The following NUP214 variants were observed in gnomAD, a reference collection of about 807,000 sequenced individuals.
NUP214 encodes nuclear pore complex protein Nup214.
A neutral mutation model predicts 196.2 loss-of-function variants in NUP214; 79 were observed. The ratio of observed to expected loss-of-function variants is 0.40; its 90% CI spans 0.34 to 0.49. The LOEUF (loss-of-function observed/expected upper bound fraction) is 0.49, where lower values mean the gene tolerates loss of function less well. Among genes scored for constraint, NUP214 ranks in the 20% least tolerant of loss-of-function variants. The probability of loss-of-function intolerance (pLI) is 0.58; values close to 1 mark genes in which losing one functional copy is unlikely to be tolerated. For synonymous variants in NUP214, 1,020 were observed against 990.5 expected (o/e 1.03, Z -0.56); for missense variants, 2,468 against 2,539.0 (o/e 0.97, Z 0.60).
chr9:131,129,267 T>C lies in NUP214; in HGVS notation c.394-12T>C. On this transcript the variant is annotated splice_polypyrimidine_tract_variant and intron_variant, in intron 3 of 35. Coordinates refer to ENST00000359428, the MANE Select transcript of NUP214 (RefSeq NM_005085.4). ...GTTAACTTATTTCACTTTTGCATAT[T>C]TGTTTTAAAAGGCTAAACAGCAAAA... 6.2e-7 allele frequency: 1 copy of C among 1,610,582 alleles called. No individual in the cohort carries two copies. The highest frequency in any genetic ancestry group is 8.5e-7 in the Non-Finnish European group (1 of 1,177,396).
Position 131,139,379 on chromosome 9 carries a change from CTA to C in NUP214, c.1107_1108del (p.Thr370LysfsTer9). 6.3e-7 allele frequency: 1 copy of C among 1,594,572 alleles called. No individual in the cohort carries two copies. The highest frequency in any genetic ancestry group is 8.5e-7 in the Non-Finnish European group (1 of 1,170,020). On this transcript the variant is annotated frameshift_variant, in exon 10 of 36. Coordinates refer to ENST00000359428, the MANE Select transcript of NUP214 (RefSeq NM_005085.4). LOFTEE classifies it high-confidence loss of function. ...CCTTGCCCATGGGAGTTGTCGTAGA[CTA>C]TACAAACCAAGTGGAAATCACCATC... is the stretch of plus-strand genomic sequence containing the variant. Reference protein sequence around the residue: ...DSLPMGVVVDYTNQVEITISD... With the variant: ...DSLPMGVVVDXTNQVEITISD...
At chr9:131,208,220 G>A (rs1383217786) in intron 30 of NUP214, among the ~76,000 whole-genome samples, 1 of 152,240 alleles carries the variant, frequency 6.6e-6, no homozygotes, top group South Asian at 2.1e-4. Context: ...ATTCTGCTCT[G>A]GGGTAGAATA....
In NUP214 at chr9:131,127,567, C is replaced by T. The variant is rs1470693913; in HGVS notation, c.89C>T (p.Ser30Phe). The change falls in exon 2 of 36, where the codon TCC becomes TTC. Residue 30 changes from serine to phenylalanine, a missense_variant. Ser to Phe is a radical substitution (Grantham distance 155). Transcript: ENST00000359428. ...RALKKVRIFD[S>F]PEELPKERSS... ...CTAAAGAAGGTGAGAATCTTTGACT[C>T]CCCTGAGGAATTGCCCAAGGAACGC... is the stretch of plus-strand genomic sequence containing the variant. 1.2e-6 allele frequency: 2 copies of T among 1,613,902 alleles called. No homozygotes were observed. Among genetic ancestry groups the T allele is most frequent in the Non-Finnish European group, 1.7e-6 (2 of 1,179,962 alleles).
intron 30 of NUP214, among the ~76,000 whole-genome samples, chr9:131,210,588 C>G (rs1834212684): frequency 6.6e-6 from 1 of 151,628 alleles, no homozygotes; most frequent in Non-Finnish European, 1.5e-5. Context: ...GATCACACCA[C>G]TGCACTCCAG....
At chr9:131,191,047 C>T (rs1473290659) in intron 26 of NUP214, 1 of 151,870 alleles carries the variant, frequency 6.6e-6, no homozygotes, top group African/African-American at 2.4e-5. Context: ...AATATTTGTA[C>T]TGCCATCTAC....
Position 131,228,277 on chromosome 9 carries a change from C to A in NUP214, c.6020C>A (p.Thr2007Lys). The change falls in exon 33 of 36, where the codon ACG becomes AAG. Residue 2007 changes from threonine (T) to lysine (K), a missense_variant. Thr to Lys is a moderately conservative substitution (Grantham distance 78, BLOSUM62 -1). Transcript: ENST00000359428. ...APAFTSPLGSTGGKVFGEGTA... is the reference protein window; with the variant it reads ...APAFTSPLGSKGGKVFGEGTA... ...GCCTTTACAAGCCCTCTGGGCTCGA[C>A]GGGAGGCAAAGTGTTCGGAGAGGGC... 1 of 1,605,008 alleles carries A rather than the reference C, an allele frequency of 6.2e-7. No individual in the cohort carries two copies. The highest frequency in any genetic ancestry group is 8.5e-7 in the Non-Finnish European group (1 of 1,176,844).
At position 131,125,690 on chromosome 9, in the gene NUP214, A is replaced by G. The variant is rs1360641404; in HGVS notation, c.-15A>G. The G allele has an allele frequency of 1.9e-6, 3 of 1,550,314 alleles. No homozygotes were observed. The African/African-American group carries it at 4.1e-5, about 21-fold the overall frequency. On this transcript the variant is annotated 5_prime_UTR_variant, in exon 1 of 36. Coordinates refer to ENST00000359428, the MANE Select transcript of NUP214 (RefSeq NM_005085.4). This position sits in a 1 kb window ranked among gnomAD's most constrained non-coding sequence, Gnocchi z 4.1. The stretch of plus-strand genomic sequence containing the variant: ...GAGGCAGCGTTGGCTGCTTCGACAC[A>G]CTGAGGGCGGCGCGATGGGAGACGA...
chr9:131,167,559 G>C (rs576521516), intron 21 of NUP214: 2 of 152,136 alleles, frequency 1.3e-5, no homozygotes, highest in Admixed American at 1.3e-4. Flanking sequence ...TCTGCCAGGC[G>C]GTTTTACTAA....
At chr9:131,162,815 C>T in intron 18 of NUP214, 176 bp from the exon 19 acceptor site, 1 of 645,098 alleles carries the variant, frequency 1.6e-6, no homozygotes. Context: ...ATTTTATCTT[C>T]ATTAGGCTTT....
Position 131,174,198 on chromosome 9 carries a change from C to A in NUP214, c.3037C>A (p.Pro1013Thr). Residue 1013 changes from proline to threonine, a missense_variant, in exon 22 of 36, where the codon CCT becomes ACT. Physicochemically the swap from Pro to Thr is conservative, Grantham distance 38. Transcript: ENST00000359428. ...AGATGACGAGGCAGTGGTTCAGGCC[C>A]CTCGGCACGCCCCCGTGGTTCGCAC... Reference protein sequence around the residue: ...CKDDEAVVQAPRHAPVVRTPS... With the variant: ...CKDDEAVVQATRHAPVVRTPS... The A allele has an allele frequency of 6.2e-7, 1 of 1,613,970 alleles. No individual in the cohort carries two copies. The highest frequency in any genetic ancestry group is 1.3e-5 in the African/African-American group (1 of 75,004).
chr9:131,137,552 C>CTTTTTTTTTT (rs11338707), intron 9 of NUP214, among the ~76,000 whole-genome samples: 1 of 88,714 alleles, frequency 1.1e-5, no homozygotes, highest in Non-Finnish European at 2.1e-5. Flanking sequence ...CTGGTGGTAT[C>CTTTTTTTTTT]TTTTTTTTTT....
chr9:131,183,730 T>C lies in NUP214; in HGVS notation c.3420-3559T>C, dbSNP rs528288166. Among the ~76,000 whole-genome samples, 4 of 152,310 alleles carry C rather than the reference T, an allele frequency of 2.6e-5. No individual in the cohort carries two copies. In the South Asian group the frequency reaches 8.3e-4, roughly 32 times the overall value. On this transcript the variant is annotated intron_variant, in intron 24 of 35. Coordinates refer to ENST00000359428, the MANE Select transcript of NUP214 (RefSeq NM_005085.4). ...ATGACCAGAAACTTAAAAGGAACTT[T>C]AATCCTTTTGTTTTTCTAATTACAA...
At chr9:131,134,761 AT>A in intron 7 of NUP214, 136 bp from the exon 8 acceptor site, 1 of 641,298 alleles carries the variant, frequency 1.6e-6, no homozygotes, top group Non-Finnish European at 2.7e-6. Context: ...TGCTGCCTTT[AT>A]ACCATGTCCG....
At chr9:131,180,942 C>CA (rs1011139939) in intron 24 of NUP214, among the ~76,000 whole-genome samples, 10 of 151,454 alleles carry the variant, frequency 6.6e-5, no homozygotes, top group African/African-American at 2.2e-4. Flanking sequence ...CAAAATAGAC[C>CA]AAAAAAACTA....
chr9:131,222,993 T>C, intron 32 of NUP214, 63 bp downstream of exon 32: 1 of 1,517,732 alleles, frequency 6.6e-7, no homozygotes. Flanking sequence ...CATAGATATC[T>C]GGAAGGAGAC....
chr9:131,197,742 C>T lies in NUP214; in HGVS notation c.4248C>T (p.Val1416=). 2 of 1,614,232 alleles carry T rather than the reference C, an allele frequency of 1.2e-6. No homozygotes were observed. The highest frequency in any genetic ancestry group is 1.7e-6 in the Non-Finnish European group (2 of 1,180,040). Residue 1416 remains valine, a synonymous_variant, in exon 29 of 36, where the codon GTC becomes GTT. Transcript: ENST00000359428. ...CTGCCGTTTTTGGCAGTCTGCCAGTCACCAGTGCAGGATCCTCTGGGGTCA... is the reference window on the plus strand; with the variant it reads ...CTGCCGTTTTTGGCAGTCTGCCAGTTACCAGTGCAGGATCCTCTGGGGTCA... ...SSTAVFGSLP[V]TSAGSSGVIS...
In NUP214 at chr9:131,228,208, G is replaced by A; in HGVS notation, c.5951G>A (p.Gly1984Glu). The change falls in exon 33 of 36, where the codon GGA becomes GAA. Residue 1984 changes from glycine to glutamate, a missense_variant. By Grantham distance (98) the Gly-to-Glu change is moderately conservative. Coordinates refer to ENST00000359428, the MANE Select transcript of NUP214 (RefSeq NM_005085.4). ...TTTGGCAGCCCTCCTACTTTTGGGG[G>A]ATCCCCTGGGTTTGGAGGGGTGCCA... ...PVFGSPPTFG[G>E]SPGFGGVPAF... The A allele has an allele frequency of 6.2e-7, 1 of 1,604,478 alleles. No individual in the cohort carries two copies. The highest frequency in any genetic ancestry group is 1.3e-5 in the African/African-American group (1 of 74,234).
chr9:131,172,069 A>C (rs1489830040), intron 21 of NUP214, among the ~76,000 whole-genome samples: 1 of 151,714 alleles, frequency 6.6e-6, no homozygotes, highest in Non-Finnish European at 1.5e-5. Context: ...GTATATACCC[A>C]GTAATGGGAT....
rs138179478 is a variant in NUP214 at position 131,144,666 on chromosome 9, C to T, written c.1681C>T (p.Pro561Ser). The T allele has an allele frequency of 5.6e-6, 9 of 1,614,186 alleles. No individual in the cohort carries two copies. In the Admixed American group the frequency reaches 1.2e-4, roughly 21 times the overall value. Residue 561 changes from proline to serine, a missense_variant, in exon 12 of 36, where the codon CCA becomes TCA. Pro to Ser is a moderately conservative substitution (Grantham distance 74). This residue lies in a region of NUP214 where 1,801 missense variants were observed against 1,779.4 expected (regional missense o/e 1.01). Transcript: ENST00000359428. ...TTTTAAGCCTACCCTGGAAAGCACACCAGTGCCAAGTGTGTCTGCTCCAAA... is the reference window on the plus strand; with the variant it reads ...TTTTAAGCCTACCCTGGAAAGCACATCAGTGCCAAGTGTGTCTGCTCCAAA... ...SGFKPTLESTPVPSVSAPNIA... is the reference protein window; with the variant it reads ...SGFKPTLESTSVPSVSAPNIA...
Sources: gnomAD v4.1 joint callset for allele counts (sites outside exome capture counted in the v4.1 genomes callset) on GRCh38, gnomAD v4.1.1 for gene constraint, gnomAD v4.1.1 regional missense constraint, Gnocchi (gnomAD v3.1) non-coding constraint, MANE v1.5 for transcripts, NCBI Gene and HGNC (gene_info 2026-07-23, HGNC 2026-07-21) for gene names.